Variants in ERC1 observed in about 807,000 individuals in gnomAD.
The protein encoded by ERC1 is ELKS/RAB6-interacting/CAST family member 1, also known as RAB6 interacting protein 2.
A neutral mutation model predicts 132.0 loss-of-function variants in ERC1; 56 were observed. That is an observed-to-expected ratio of 0.42 (90% CI 0.34 to 0.53). The LOEUF is 0.53. Among genes scored for constraint, ERC1 ranks in the 20% least tolerant of loss-of-function variants. The probability of loss-of-function intolerance (pLI) is 0.03; values close to 1 mark genes in which losing one functional copy is unlikely to be tolerated. For missense variants in ERC1, 1,202 were observed against 1,349.9 expected (o/e 0.89, Z 1.72); for synonymous variants, 478 against 476.1 (o/e 1.00, Z -0.05).
At chr12:1,213,853 G>A (rs748161218) in intron 12 of ERC1, among the ~76,000 whole-genome samples, 3 of 151,720 alleles carry the variant, frequency 2.0e-5, no homozygotes, top group African/African-American at 2.4e-5. Flanking sequence ...GCAGTGAGCC[G>A]AGATCACGCC....
chr12:1,231,067 T>C (rs1396277581), intron 12 of ERC1, among the ~76,000 whole-genome samples: 1 of 152,210 alleles, frequency 6.6e-6, no homozygotes, highest in East Asian at 1.9e-4. Context: ...TAATTATTGA[T>C]AGTTAAGGCC....
chr12:1,026,756 A>G (rs1328488906), intron 1 of ERC1, among the ~76,000 whole-genome samples: 1 of 152,250 alleles, frequency 6.6e-6, no homozygotes, highest in East Asian at 1.9e-4. Flanking sequence ...AGTACAAATG[A>G]AGAATTATGG....
intron 12 of ERC1, among the ~76,000 whole-genome samples, chr12:1,211,037 A>G (rs758823749): frequency 7.2e-5 from 11 of 152,048 alleles, no homozygotes; most frequent in Admixed American, 2.0e-4. Flanking sequence ...ACAAATTTCA[A>G]TGTTTGTTAT....
intron 2 of ERC1, among the ~76,000 whole-genome samples, chr12:1,047,190 T>A (rs950809920): frequency 6.6e-6 from 1 of 152,244 alleles, no homozygotes; most frequent in Admixed American, 6.5e-5. Flanking sequence ...ATAATTAGAA[T>A]AATAAATTAC....
intron 16 of ERC1, among the ~76,000 whole-genome samples, chr12:1,402,614 A>AACACACACACACACACACACACAC (rs56777839): frequency 2.0e-3 from 285 of 144,964 alleles, no homozygotes; most frequent in Admixed American, 4.0e-3. Flanking sequence ...TGTAACCCCC[A>AACACACACACACACACACACACAC]ACACACACAC....
chr12:1,481,851 T>C (rs909752512), intron 18 of ERC1, among the ~76,000 whole-genome samples: 9 of 152,212 alleles, frequency 5.9e-5, no homozygotes, highest in African/African-American at 2.2e-4. Context: ...GTCCCCCTTC[T>C]TGTTTACACC....
intron 14 of ERC1, among the ~76,000 whole-genome samples, chr12:1,280,835 C>A (rs1309503953): frequency 6.6e-6 from 1 of 152,200 alleles, no homozygotes; most frequent in Non-Finnish European, 1.5e-5. Context: ...AAATCCCATC[C>A]TTTTACTTTT....
chr12:1,317,645 A>G (rs2081856372), intron 15 of ERC1, among the ~76,000 whole-genome samples: 1 of 152,200 alleles, frequency 6.6e-6, no homozygotes, highest in Non-Finnish European at 1.5e-5. Context: ...CACAGTTTGA[A>G]ATTGGCATTG....
intron 17 of ERC1, among the ~76,000 whole-genome samples, chr12:1,431,066 A>G (rs1363367603): frequency 2.0e-5 from 3 of 152,232 alleles, no homozygotes; most frequent in South Asian, 4.1e-4. Context: ...ACTTGCCCGT[A>G]GGAACTACTC....
At position 1,395,227 on chromosome 12, in the gene ERC1, T is replaced by C. The variant is rs191651292; in HGVS notation, c.2926-12922T>C. On this transcript the variant is annotated intron_variant, in intron 16 of 18. Coordinates refer to ENST00000360905, the MANE Select transcript of ERC1 (RefSeq NM_178040.4). ...TTTTAGGTACTGCACTGGGCCATTA[T>C]AGGCAAATTGGCCCAAAAGGTATTT... Among the ~76,000 whole-genome samples the C allele has an allele frequency of 2.2e-3, 340 of 152,344 alleles. 1 individual carries two copies. The highest frequency in any genetic ancestry group is 7.5e-3 in the African/African-American group (311 of 41,570).
chr12:1,373,467 ATATG>A (rs1350217238), intron 16 of ERC1, among the ~76,000 whole-genome samples: 1 of 152,220 alleles, frequency 6.6e-6, no homozygotes, highest in Non-Finnish European at 1.5e-5. Context: ...TCCAAAGAAC[ATATG>A]TTTTCATTAT....
At chr12:1,256,840 A>G (rs1177540439) in intron 13 of ERC1, among the ~76,000 whole-genome samples, 10 of 150,626 alleles carry the variant, frequency 6.6e-5, no homozygotes, top group Non-Finnish European at 1.3e-4. Flanking sequence ...CTGTGTTTTT[A>G]TAATTGAGGT....
intron 13 of ERC1, among the ~76,000 whole-genome samples, chr12:1,241,510 C>T (rs2075788765): frequency 6.6e-6 from 1 of 151,828 alleles, no homozygotes. Context: ...TTATCTTGTC[C>T]TTTCAAGGCA....
intron 12 of ERC1, among the ~76,000 whole-genome samples, chr12:1,216,198 T>C (rs1958391581): frequency 6.6e-6 from 1 of 152,224 alleles, no homozygotes; most frequent in Non-Finnish European, 1.5e-5. Flanking sequence ...CCCATCTCAC[T>C]GGGATATTTT....
Position 1,392,536 on chromosome 12 carries a change from T to A in ERC1, c.2926-15613T>A, listed in dbSNP as rs531159644. On this transcript the variant is annotated intron_variant, in intron 16 of 18. Coordinates refer to ENST00000360905, the MANE Select transcript of ERC1 (RefSeq NM_178040.4). ...TTTACCTGTTTTGGAAAACCATACC[T>A]CTGGCAGCAGTTGAGCTTTGATGTC... Among the ~76,000 whole-genome samples the A allele has an allele frequency of 7.8e-4, 119 of 152,316 alleles. 1 individual carries two copies. The highest frequency in any genetic ancestry group is 2.7e-3 in the African/African-American group (114 of 41,568).
chr12:1,139,897 A>G (rs1015143536), intron 7 of ERC1, among the ~76,000 whole-genome samples: 68 of 151,992 alleles, frequency 4.5e-4, no homozygotes, highest in Admixed American at 1.9e-3. Context: ...TGTGATTCAG[A>G]AAAAAAAATT....
chr12:1,352,316 G>A (rs566226015), intron 15 of ERC1, among the ~76,000 whole-genome samples: 16 of 152,282 alleles, frequency 1.1e-4, no homozygotes, highest in African/African-American at 3.9e-4. Flanking sequence ...GAACCAGCAA[G>A]GGCAAAAGGG....
intron 12 of ERC1, among the ~76,000 whole-genome samples, chr12:1,199,954 T>C (rs1371411165): frequency 6.6e-6 from 1 of 152,036 alleles, no homozygotes; most frequent in Non-Finnish European, 1.5e-5. Flanking sequence ...TGAGGTCATT[T>C]TCCTATCATG....
chr12:1,271,822 T>A (rs920305526), intron 14 of ERC1, among the ~76,000 whole-genome samples: 3 of 152,226 alleles, frequency 2.0e-5, no homozygotes, highest in African/African-American at 7.2e-5. Flanking sequence ...GTTCAATCTT[T>A]TGATTCTCAC....
Sources: gnomAD v4.1 joint callset for allele counts (sites outside exome capture counted in the v4.1 genomes callset) on GRCh38, gnomAD v4.1.1 for gene constraint, MANE v1.5 for transcripts, NCBI Gene and HGNC (gene_info 2026-07-23, HGNC 2026-07-21) for gene names.